ACAN: variants seen among roughly 807,000 people sequenced by gnomAD.
ACAN encodes the protein aggrecan.
ACAN carries 47 observed loss-of-function variants against 169.1 expected under a neutral mutation model. The ratio of observed to expected loss-of-function variants is 0.28; its 90% CI spans 0.22 to 0.35. ACAN has a LOEUF of 0.35. Among genes scored for constraint, ACAN ranks in the 10% least tolerant of loss-of-function variants. The pLI is 1.00. For synonymous variants in ACAN, 1,115 were observed against 1,112.2 expected, an observed-to-expected ratio of 1.00 and a Z score of -0.05; for missense variants, 2,716 against 2,759.9, an observed-to-expected ratio of 0.98 and a Z score of 0.36.
rs946033146 is a variant in ACAN at position 88,872,607 on chromosome 15, T to C, written c.7303-274T>C. ...GGATAAGAGGTGTGGAATCAGCTCA[T>C]GTACAGAGCCTGTGAGTCTTGGGGG... On this transcript the variant is annotated intron_variant, in intron 16 of 18. Transcript: ENST00000560601. The surrounding 1 kb of genome is among the most constrained non-coding windows in gnomAD (Gnocchi z 5.4). Among the ~76,000 whole-genome samples, 2 of 152,052 alleles carry C rather than the reference T, an allele frequency of 1.3e-5. No individual in the cohort carries two copies. The highest frequency in any genetic ancestry group is 2.9e-5 in the Non-Finnish European group (2 of 68,004).
chr15:88,810,269 G>A (rs949537873), intron 1 of ACAN, among the ~76,000 whole-genome samples: 2 of 149,706 alleles, frequency 1.3e-5, no homozygotes, highest in Admixed American at 1.3e-4. Flanking sequence ...AACAGATTTG[G>A]TCCTTGGGTT....
intron 2 of ACAN, among the ~76,000 whole-genome samples, chr15:88,836,907 G>T (rs1470507569): frequency 1.3e-5 from 2 of 152,222 alleles, no homozygotes; most frequent in African/African-American, 2.4e-5. Flanking sequence ...AGAGGACTCT[G>T]CTCTTGGCTG....
In ACAN at chr15:88,803,508, G is replaced by T. The variant is rs999756795; in HGVS notation, c.-309G>T. ...GAGGACGCGCGCAGCGCTGCTCAAG[G>T]TCTCTCTCTCTCAGCACCCTCGCCG... On this transcript the variant is annotated 5_prime_UTR_variant, in exon 1 of 19. Coordinates refer to ENST00000560601, the MANE Select transcript of ACAN (RefSeq NM_001369268.1). The T allele has an allele frequency of 6.8e-6, 1 of 147,882 alleles. No homozygotes were observed. The highest frequency in any genetic ancestry group is 1.5e-5 in the Non-Finnish European group (1 of 66,982). The allele number at this position is 147,882 out of a possible 1,614,324, so 9.2% of individuals were successfully genotyped here.
At chr15:88,833,170 G>A (rs1896407917) in intron 1 of ACAN, among the ~76,000 whole-genome samples, 1 of 152,178 alleles carries the variant, frequency 6.6e-6, no homozygotes, top group African/African-American at 2.4e-5. Context: ...TGGCTGATGA[G>A]GAGGTGAAGG....
chr15:88,837,538 C>T (rs1000417091), intron 2 of ACAN, among the ~76,000 whole-genome samples: 1 of 152,118 alleles, frequency 6.6e-6, no homozygotes, highest in Non-Finnish European at 1.5e-5. Flanking sequence ...AGGGGTGGTC[C>T]GCCCACACAG....
intron 13 of ACAN, among the ~76,000 whole-genome samples, chr15:88,865,135 C>T (rs906120984): frequency 6.6e-6 from 1 of 152,184 alleles, no homozygotes; most frequent in Non-Finnish European, 1.5e-5. Context: ...AGAGATATTG[C>T]TGGAGGGCCT....
chr15:88,817,205 G>A (rs777613685), intron 1 of ACAN, among the ~76,000 whole-genome samples: 11 of 152,124 alleles, frequency 7.2e-5, no homozygotes, highest in South Asian at 2.1e-4. Flanking sequence ...GCAGTGGTGC[G>A]ATCTTGGCTC....
rs764337871 is a variant in ACAN, at chr15:88,858,436, G to T, written c.5851G>T (p.Ala1951Ser). 1.3e-5 allele frequency: 21 copies of T among 1,613,692 alleles called. No homozygotes were observed. The highest frequency in any genetic ancestry group is 1.7e-5 in the Non-Finnish European group (20 of 1,179,888). Reference protein sequence around the residue: ...LVESVTQAPTAQEAGEGPSGI... With the variant: ...LVESVTQAPTSQEAGEGPSGI... ...GGAATCTGTAACCCAGGCTCCAACA[G>T]CCCAAGAGGCAGGAGAAGGGCCTTC... is the stretch of plus-strand genomic sequence containing the variant. The change falls in exon 12 of 19, where the codon GCC becomes TCC. Residue 1951 changes from alanine to serine, a missense_variant. Ala to Ser is a moderately conservative substitution (Grantham distance 99, BLOSUM62 1). Transcript: ENST00000560601. This position sits in a 1 kb window ranked among gnomAD's most constrained non-coding sequence, Gnocchi z 4.0.
rs765080728 is a variant in ACAN at position 88,860,424 on chromosome 15, G to A, written c.6931G>A (p.Glu2311Lys). 59 of 1,613,318 alleles carry A rather than the reference G, an allele frequency of 3.7e-5. No individual in the cohort carries two copies. The Middle Eastern group carries it at 1.7e-3, about 45-fold the overall frequency. ...CCTGTGCCCCCCTGGCTACACTGGCGAGCACTGTAACATAGGTAAGGCCCT... is the reference window on the plus strand; with the variant it reads ...CCTGTGCCCCCCTGGCTACACTGGCAAGCACTGTAACATAGGTAAGGCCCT... ...ICLCPPGYTGEHCNIDIDECL... is the reference protein window; with the variant it reads ...ICLCPPGYTGKHCNIDIDECL... Residue 2311 changes from glutamate to lysine, a missense_variant, in exon 13 of 19, where the codon GAG becomes AAG. Physicochemically the swap from Glu to Lys is moderately conservative, Grantham distance 56. Transcript: ENST00000560601.
intron 1 of ACAN, among the ~76,000 whole-genome samples, chr15:88,825,672 C>T (rs1201134156): frequency 3.1e-4 from 47 of 152,184 alleles, no homozygotes; most frequent in Admixed American, 3.1e-3. Context: ...GTATTACTAG[C>T]AGGGACATAG....
intron 2 of ACAN, 87 bp downstream of exon 2, chr15:88,836,363 T>C: frequency 2.6e-6 from 3 of 1,164,920 alleles, no homozygotes; most frequent in South Asian, 1.3e-5. Flanking sequence ...GTGCTACTGG[T>C]CCCAGGGATA....
In ACAN at chr15:88,843,714, G is replaced by A. The variant is rs1048228085; in HGVS notation, c.1051+66G>A. On this transcript the variant is annotated intron_variant, in intron 6 of 18. Coordinates refer to ENST00000560601, the MANE Select transcript of ACAN (RefSeq NM_001369268.1). The surrounding 1 kb of genome is among the most constrained non-coding windows in gnomAD (Gnocchi z 4.0). ...AAAATGGGGTCCTAGAGGGAAGAGG[G>A]GATCTTGGAAAGGGAGGGTTGGTTT... 5 of 1,497,418 alleles carry A rather than the reference G, an allele frequency of 3.3e-6. No homozygotes were observed. The East Asian group carries it at 9.3e-5, about 28-fold the overall frequency. The allele number at this position is 1,497,418 out of a possible 1,614,324, so 92.8% of individuals were successfully genotyped here. A position where few individuals can be genotyped will look rare whatever the true frequency, so the allele number is the denominator to read the frequency against.
At chr15:88,824,879 G>C (rs1237037959) in intron 1 of ACAN, among the ~76,000 whole-genome samples, 4 of 149,138 alleles carry the variant, frequency 2.7e-5, no homozygotes, top group Non-Finnish European at 5.9e-5. Context: ...CTGACAGAGC[G>C]AGACTCTGTC....
At position 88,874,491 on chromosome 15, in the gene ACAN, C is replaced by A. The variant is rs1483868904; in HGVS notation, c.*10C>A. The stretch of plus-strand genomic sequence containing the variant: ...CAGCACAGCCCACTGAGAAGAGCTT[C>A]CAGGACGCACCCAGGACGCTGAGCC... On this transcript the variant is annotated 3_prime_UTR_variant, in exon 19 of 19. Transcript: ENST00000560601. This position sits in a 1 kb window ranked among gnomAD's most constrained non-coding sequence, Gnocchi z 7.3. 6.3e-7 allele frequency: 1 copy of A among 1,592,130 alleles called. No homozygotes were observed.
intron 12 of ACAN, 73 bp downstream of exon 12, chr15:88,859,490 G>A (rs2141614218): frequency 3.2e-6 from 5 of 1,545,484 alleles, no homozygotes; most frequent in Non-Finnish European, 4.4e-6. Context: ...ACAGAAGGAG[G>A]CAGCATAGCT....
At chr15:88,860,470 G>A (rs1232665172) in intron 13 of ACAN, 31 bp downstream of exon 13, 1 of 1,589,964 alleles carries the variant, frequency 6.3e-7, no homozygotes, top group South Asian at 1.1e-5. Flanking sequence ...GGAGAGTGAG[G>A]GCGGAGGCGC....
chr15:88,825,206 A>G (rs1896183228), intron 1 of ACAN, among the ~76,000 whole-genome samples: 1 of 152,162 alleles, frequency 6.6e-6, no homozygotes, highest in African/African-American at 2.4e-5. Context: ...TTCTCCAAGA[A>G]CATTCATCCT....
rs1450222759 is a variant in ACAN at position 88,874,857 on chromosome 15, A to G, written c.*376A>G. On this transcript the variant is annotated 3_prime_UTR_variant, in exon 19 of 19. Transcript: ENST00000560601. This position sits in a 1 kb window ranked among gnomAD's most constrained non-coding sequence, Gnocchi z 7.3. ...CCTGACTTTATCCAAGAGCAGTGCA[A>G]TCGTTGGTTATTTCACCTCCAGGGA... 5 of 356,294 alleles carry G rather than the reference A, an allele frequency of 1.4e-5. No individual in the cohort carries two copies. In the East Asian group the frequency reaches 3.6e-4, roughly 26 times the overall value. 22.1% of individuals were successfully genotyped at this position (356,294 alleles called of 1,614,324 possible). A position where few individuals can be genotyped will look rare whatever the true frequency, so the allele number is the denominator to read the frequency against.
intron 1 of ACAN, among the ~76,000 whole-genome samples, chr15:88,822,788 G>T (rs984092566): frequency 2.6e-5 from 4 of 152,146 alleles, no homozygotes; most frequent in African/African-American, 9.7e-5. Context: ...GGAATCAGGG[G>T]TTGCAATTAG....
Sources: gnomAD v4.1 joint callset for allele counts (sites outside exome capture counted in the v4.1 genomes callset) on GRCh38, gnomAD v4.1.1 for gene constraint, Gnocchi (gnomAD v3.1) non-coding constraint, MANE v1.5 for transcripts, NCBI Gene and HGNC (gene_info 2026-07-23, HGNC 2026-07-21) for gene names.